AHCYL2: variants seen among roughly 807,000 people sequenced by gnomAD.
The protein encoded by AHCYL2 is adenosylhomocysteinase like 2, also known as S-adenosylhomocysteine hydrolase-like protein 2.
A neutral mutation model predicts 81.4 loss-of-function variants in AHCYL2; 28 were observed. The ratio of observed to expected loss-of-function variants is 0.34; its 90% CI spans 0.25 to 0.47. The LOEUF is 0.47. Ranked by LOEUF, AHCYL2 falls within the 20% of genes least tolerant of loss-of-function variation. AHCYL2 has a pLI of 1.00. For missense variants in AHCYL2, 551 were observed against 785.1 expected, an observed-to-expected ratio of 0.70 and a Z score of 3.56; for synonymous variants, 272 against 290.2, an observed-to-expected ratio of 0.94 and a Z score of 0.64.
chr7:129,303,436 T>C (rs954855757), intron 1 of AHCYL2, among the ~76,000 whole-genome samples: 3 of 152,218 alleles, frequency 2.0e-5, no homozygotes, highest in African/African-American at 7.2e-5. Flanking sequence ...TTTTCCAATT[T>C]ATTGGCATAT....
chr7:129,404,502 C>T (rs573379440), intron 7 of AHCYL2, among the ~76,000 whole-genome samples: 3 of 152,086 alleles, frequency 2.0e-5, no homozygotes, highest in Non-Finnish European at 4.4e-5. Flanking sequence ...TGGTGAAACC[C>T]CGTCTCTACT....
chr7:129,394,539 C>T (rs1172698152), intron 4 of AHCYL2, among the ~76,000 whole-genome samples: 1 of 149,736 alleles, frequency 6.7e-6, no homozygotes, highest in Non-Finnish European at 1.5e-5. Context: ...CCTCCACCTC[C>T]TGGGATCAAG....
At chr7:129,386,497 A>AT (rs1341009949) in intron 2 of AHCYL2, among the ~76,000 whole-genome samples, 1 of 152,002 alleles carries the variant, frequency 6.6e-6, no homozygotes, top group Non-Finnish European at 1.5e-5. Flanking sequence ...AAACAAATAC[A>AT]TTTTGGCTCA....
rs989583682 is a variant in AHCYL2 at position 129,296,098 on chromosome 7, T to C, written c.363+70659T>C. ...TTCCAGTATGTGTTATTCCAACTCA[T>C]TGGAGACTTTAGAAGTGTGATTAGA... On this transcript the variant is annotated intron_variant, in intron 1 of 16. Coordinates refer to ENST00000325006, the MANE Select transcript of AHCYL2 (RefSeq NM_015328.4). Among the ~76,000 whole-genome samples the C allele has an allele frequency of 1.2e-4, 18 of 152,338 alleles. No individual in the cohort carries two copies. The East Asian group carries it at 2.7e-3, about 23-fold the overall frequency.
At chr7:129,333,619 TG>T (rs1191772916) in intron 1 of AHCYL2, among the ~76,000 whole-genome samples, 2 of 152,070 alleles carry the variant, frequency 1.3e-5, no homozygotes, top group Non-Finnish European at 2.9e-5. Context: ...AGTTCAGATA[TG>T]GGGAAAAAAA....
intron 1 of AHCYL2, among the ~76,000 whole-genome samples, chr7:129,334,346 T>G (rs1798522007): frequency 6.6e-6 from 1 of 152,184 alleles, no homozygotes; most frequent in South Asian, 2.1e-4. Flanking sequence ...GTCTATGTAT[T>G]TGGTGATGTT....
At chr7:129,314,347 C>A (rs188528093) in intron 1 of AHCYL2, among the ~76,000 whole-genome samples, 1 of 152,010 alleles carries the variant, frequency 6.6e-6, no homozygotes, top group East Asian at 1.9e-4. Context: ...TTTCTTTCAC[C>A]AGATTGTAAA....
chr7:129,235,641 A>G (rs1794617421), intron 1 of AHCYL2, among the ~76,000 whole-genome samples: 1 of 150,748 alleles, frequency 6.6e-6, no homozygotes, highest in East Asian at 2.0e-4. Flanking sequence ...CAGGCTGGTC[A>G]TGAACTCCTG....
At position 129,368,438 on chromosome 7, in the gene AHCYL2, T is replaced by A; in HGVS notation, c.364-11200T>A. The stretch of plus-strand genomic sequence containing the variant: ...CTTTGGGGCACTCAGATAACCCCAG[T>A]ATTTCCAAACCAGCTTTCCCTTTTG... On this transcript the variant is annotated intron_variant, in intron 1 of 16. Coordinates refer to ENST00000325006, the MANE Select transcript of AHCYL2 (RefSeq NM_015328.4). This position sits in a 1 kb window ranked among gnomAD's most constrained non-coding sequence, Gnocchi z 4.4. The A allele has an allele frequency of 6.2e-7, 1 of 1,613,766 alleles. No individual in the cohort carries two copies. The highest frequency in any genetic ancestry group is 8.5e-7 in the Non-Finnish European group (1 of 1,179,754).
chr7:129,371,725 T>C (rs1211589110), intron 1 of AHCYL2, among the ~76,000 whole-genome samples: 1 of 152,258 alleles, frequency 6.6e-6, no homozygotes, highest in Non-Finnish European at 1.5e-5. Context: ...AACATTTTAA[T>C]ATTTCCTCCT....
At chr7:129,318,043 C>A (rs922324199) in intron 1 of AHCYL2, among the ~76,000 whole-genome samples, 1 of 152,016 alleles carries the variant, frequency 6.6e-6, no homozygotes, top group African/African-American at 2.4e-5. Flanking sequence ...TCTAATGGCT[C>A]TTTTATGTAG....
chr7:129,268,505 A>G (rs1418216673), intron 1 of AHCYL2, among the ~76,000 whole-genome samples: 1 of 151,864 alleles, frequency 6.6e-6, no homozygotes, highest in Non-Finnish European at 1.5e-5. Flanking sequence ...GGGCCACCAT[A>G]CCCGGCTAAT....
In AHCYL2 at chr7:129,231,660, C is replaced by T. The variant is rs560169163; in HGVS notation, c.363+6221C>T. On this transcript the variant is annotated intron_variant, in intron 1 of 16. Transcript: ENST00000325006. ...AGGAGCTGAAATTCCATTCACCCAA[C>T]AAGAGGTTTAGTAAACTTGATCAGA... is the stretch of plus-strand genomic sequence containing the variant. 5.3e-5 allele frequency among the ~76,000 whole-genome samples: 8 copies of T among 152,284 alleles called. No individual in the cohort carries two copies. The South Asian group carries it at 1.7e-3, about 32-fold the overall frequency.
At chr7:129,305,517 T>G (rs2150768625) in intron 1 of AHCYL2, among the ~76,000 whole-genome samples, 1 of 152,304 alleles carries the variant, frequency 6.6e-6, no homozygotes, top group South Asian at 2.1e-4. Context: ...TACCCCCCAC[T>G]TTCTAATTTT....
intron 1 of AHCYL2, among the ~76,000 whole-genome samples, chr7:129,284,641 G>A (rs1179542842): frequency 6.6e-6 from 1 of 151,784 alleles, no homozygotes; most frequent in Non-Finnish European, 1.5e-5. Flanking sequence ...TTGTTTGGGG[G>A]CCATCCTGAG....
intron 1 of AHCYL2, among the ~76,000 whole-genome samples, chr7:129,242,329 C>CTT (rs768756801): frequency 1.4e-5 from 2 of 142,002 alleles, no homozygotes; most frequent in African/African-American, 2.6e-5. Context: ...CAAGCCTGGC[C>CTT]TTTTTTTTTT....
chr7:129,409,598 G>A, intron 11 of AHCYL2, 52 bp downstream of exon 11: 1 of 1,438,836 alleles, frequency 7.0e-7, no homozygotes, highest in Non-Finnish European at 9.7e-7. Context: ...TTTTTATGGA[G>A]CAGGTGCAAG....
At chr7:129,300,011 A>G (rs1379672240) in intron 1 of AHCYL2, among the ~76,000 whole-genome samples, 1 of 152,178 alleles carries the variant, frequency 6.6e-6, no homozygotes, top group Non-Finnish European at 1.5e-5. Flanking sequence ...TAAAATTTTT[A>G]ATTTTCGTGG....
intron 1 of AHCYL2, among the ~76,000 whole-genome samples, chr7:129,374,865 CT>C (rs397694415): frequency 0.015 from 1,997 of 137,674 alleles, 13 homozygotes; most frequent in East Asian, 0.026. Context: ...AACAAGCAGT[CT>C]TTTTTTTTTT....
Sources: gnomAD v4.1 joint callset for allele counts (sites outside exome capture counted in the v4.1 genomes callset) on GRCh38, gnomAD v4.1.1 for gene constraint, Gnocchi (gnomAD v3.1) non-coding constraint, MANE v1.5 for transcripts, NCBI Gene and HGNC (gene_info 2026-07-23, HGNC 2026-07-21) for gene names.